Variants in RECQL4 observed in about 807,000 individuals in gnomAD.
The protein encoded by RECQL4 is RecQ like helicase 4, also known as ATP-dependent DNA helicase Q4.
RECQL4 carries 158 observed loss-of-function variants against 128.6 expected under a neutral mutation model. That is an observed-to-expected ratio of 1.23 (90% CI 1.08 to 1.40). The LOEUF is 1.40. RECQL4 is among the 40% of genes most tolerant of loss of function. The pLI is 0.00. For synonymous variants in RECQL4, 996 were observed against 678.9 expected, an observed-to-expected ratio of 1.47 and a Z score of -7.26; for missense variants, 2,293 against 1,649.8, an observed-to-expected ratio of 1.39 and a Z score of -6.75.
Position 144,515,336 on chromosome 8 carries a change from C to T in RECQL4, c.1380G>A (p.Gly460=), listed in dbSNP as rs2130707604. 2 of 1,612,588 alleles carry T rather than the reference C, an allele frequency of 1.2e-6. No individual in the cohort carries two copies. Among genetic ancestry groups the T allele is most frequent in the Non-Finnish European group, 1.7e-6 (2 of 1,179,770 alleles). The change falls in exon 7 of 21, where the codon GGG becomes GGA. Residue 460 remains glycine (G), a synonymous_variant. Transcript: ENST00000617875. ...AAGCTGACTGCTCACCTGCCAACTG[C>T]CCTGAGGGCCCCAGGGAGTAGAGTG... ...VLPLYSLGPS[G]QLAETPAEVF...
chr8:144,517,407 TG>T lies in RECQL4; in HGVS notation c.213+6del, dbSNP rs535285068. The T allele has an allele frequency of 1.5e-4, 237 of 1,564,636 alleles. 4 individuals carry two copies. In the South Asian group the frequency reaches 2.1e-3, roughly 14 times the overall value. On this transcript the variant is annotated splice_donor_region_variant and intron_variant, in intron 3 of 20. Transcript: ENST00000617875. ...GGGAGGAGGCTGGGGCGGCGGGGCCTGGGTACCTCTTCGGCCGCCGCGGGGA... is the reference window on the plus strand; with the variant it reads ...GGGAGGAGGCTGGGGCGGCGGGGCCTGGTACCTCTTCGGCCGCCGCGGGGA...
chr8:144,516,979 T>A (rs924471465), intron 4 of RECQL4, 71 bp downstream of exon 4: 1 of 1,543,434 alleles, frequency 6.5e-7, no homozygotes, highest in African/African-American at 1.4e-5. Context: ...GTGGAAAAAA[T>A]GACAAGAGGG....
At chr8:144,517,320 T>G in intron 3 of RECQL4, 94 bp downstream of exon 3, 1 of 1,483,244 alleles carries the variant, frequency 6.7e-7, no homozygotes, top group South Asian at 1.3e-5. Flanking sequence ...TCCCAAGTTC[T>G]GTGCCCCACG....
rs35225938 is a variant in RECQL4 at position 144,511,458 on chromosome 8, C to G, written c.3600G>C (p.Thr1200=). The stretch of plus-strand genomic sequence containing the variant: ...AGCGGGCCACCTGCAGGAGCTCTTC[C>G]GTGGCCAGGCCCACCAGGGCATGGA... ...LSFHALVGLA[T]EELLQVAR is the part of the protein sequence containing the mutation. Residue 1200 remains threonine (T), a synonymous_variant, in exon 21 of 21, where the codon ACG becomes ACC. Transcript: ENST00000617875. The G allele has an allele frequency of 6.2e-7, 1 of 1,612,552 alleles. No homozygotes were observed. Among genetic ancestry groups the G allele is most frequent in the African/African-American group, 1.3e-5 (1 of 75,060 alleles).
intron 20 of RECQL4, 62 bp downstream of exon 20, chr8:144,511,619 A>G: frequency 6.2e-7 from 1 of 1,608,682 alleles, no homozygotes; most frequent in East Asian, 2.2e-5. Context: ...GGAGCCTCCC[A>G]GGCCTCACCT....
chr8:144,513,504 TC>T, intron 13 of RECQL4, 24 bp from the exon 14 acceptor site: 1 of 1,610,498 alleles, frequency 6.2e-7, no homozygotes, highest in Non-Finnish European at 8.5e-7. Context: ...AGGCAGATGG[TC>T]AGTGGGATGG....
rs768351604 is a variant in RECQL4, at chr8:144,513,470, G to C, written c.2211C>G (p.Pro737=). ...CGTGGTAGGCCTCGGCTGTGGTTTT[G>C]GGGGCACGACCTTTGGGGAAGACAG... ...AWVPGSGGRA[P]KTTAEAYHAG... is the part of the protein sequence containing the mutation. The change falls in exon 14 of 21, where the codon CCC becomes CCG. Residue 737 remains proline (P), a synonymous_variant. Transcript: ENST00000617875. 3.7e-6 allele frequency: 6 copies of C among 1,609,776 alleles called. No individual in the cohort carries two copies. The highest frequency in any genetic ancestry group is 1.1e-5 in the South Asian group (1 of 91,068).
chr8:144,514,326 G>A lies in RECQL4; in HGVS notation c.1741C>T (p.Pro581Ser), dbSNP rs776147492. Residue 581 changes from proline (P) to serine (S), a missense_variant, in exon 11 of 21, where the codon CCT becomes TCT. By Grantham distance (74) the Pro-to-Ser change is moderately conservative (BLOSUM62 -1). Coordinates refer to ENST00000617875, the MANE Select transcript of RECQL4 (RefSeq NM_004260.4). ...CCTCCCGCCCCCACCAGTGCCTCAG[G>A]TGTCAGCATCAGCACGTGTACCTGG... The part of the protein sequence containing the change: ...AAQVHVLMLT[P>S]EALVGAGGLP... The A allele has an allele frequency of 1.9e-6, 3 of 1,608,594 alleles. No homozygotes were observed. Among genetic ancestry groups the A allele is most frequent in the South Asian group, 2.2e-5 (2 of 90,940 alleles).
chr8:144,517,780 T>C lies in RECQL4; in HGVS notation c.5A>G (p.Glu2Gly), dbSNP rs2130746663. 1 of 1,237,900 alleles carries C rather than the reference T, an allele frequency of 8.1e-7. No homozygotes were observed. The highest frequency in any genetic ancestry group is 2.9e-5 in the South Asian group (1 of 34,974). The allele number at this position is 1,237,900 out of a possible 1,614,324, so 76.7% of individuals were successfully genotyped here. A position where few individuals can be genotyped will look rare whatever the true frequency, so the allele number is the denominator to read the frequency against. The change falls in exon 1 of 21, where the codon GAG (glutamate) becomes GGG (glycine). Residue 2 changes from glutamate (E) to glycine (G), a missense_variant. Glu to Gly is a moderately conservative substitution (Grantham distance 98). Coordinates refer to ENST00000617875, the MANE Select transcript of RECQL4 (RefSeq NM_004260.4). MERLRDVRERLQ... is the reference protein window; with the variant it reads MGRLRDVRERLQ... ...CCGCTCCCGCACGTCCCGCAGCCGC[T>C]CCATGGCGCGCGCGCCCGCCCGGCC...
At chr8:144,511,874 G>C in intron 19 of RECQL4, 37 bp downstream of exon 19, 1 of 1,609,980 alleles carries the variant, frequency 6.2e-7, no homozygotes, top group Non-Finnish European at 8.5e-7. Flanking sequence ...CAGGGAACCT[G>C]CAACCCCGAT....
intron 6 of RECQL4, 130 bp from the exon 7 acceptor site, chr8:144,515,587 G>A (rs1482435668): frequency 2.0e-6 from 3 of 1,500,182 alleles, no homozygotes; most frequent in Non-Finnish European, 1.8e-6. Flanking sequence ...TTTTTCCAAA[G>A]CAGAAAAGAG....
intron 1 of RECQL4, 30 bp from the exon 2 acceptor site, chr8:144,517,665 G>A (rs1434375000): frequency 3.4e-6 from 5 of 1,468,434 alleles, no homozygotes; most frequent in Admixed American, 2.4e-5. Context: ...GCCGCGGGCC[G>A]CGCCCTCAGC....
rs1178488618 is a variant in RECQL4, at chr8:144,513,308, C to T, written c.2373G>A (p.Leu791=). ...GCACGTAGCTCTCGAAGCTTGGGGGCAGCCCCAGATGCAGCACAGCCCGCA... is the reference window on the plus strand; with the variant it reads ...GCACGTAGCTCTCGAAGCTTGGGGGTAGCCCCAGATGCAGCACAGCCCGCA... The part of the protein sequence containing the change: ...PDVRAVLHLG[L]PPSFESYVQA... Residue 791 remains leucine (L), a synonymous_variant, in exon 14 of 21, where the codon CTG becomes CTA. Transcript: ENST00000617875. 1.2e-6 allele frequency: 2 copies of T among 1,601,016 alleles called. No homozygotes were observed. Among genetic ancestry groups the T allele is most frequent in the Admixed American group, 1.7e-5 (1 of 59,918 alleles).
chr8:144,516,122 CCTT>C lies in RECQL4; in HGVS notation c.994_996del (p.Lys332del). 6.2e-7 allele frequency: 1 copy of C among 1,613,050 alleles called. No homozygotes were observed. The highest frequency in any genetic ancestry group is 8.5e-7 in the Non-Finnish European group (1 of 1,179,872). On this transcript the variant is annotated inframe_deletion, in exon 5 of 21. Coordinates refer to ENST00000617875, the MANE Select transcript of RECQL4 (RefSeq NM_004260.4). ...ATGTGCAGGGGGGCTGTGCCCTCAG[CCTT>C]CCCAGCCCTAGCTTGACTGGAGGGG...
rs1342995001 is a variant in RECQL4, at chr8:144,513,704, C to G, written c.2067G>C (p.Leu689Phe). 3 of 1,546,766 alleles carry G rather than the reference C, an allele frequency of 1.9e-6. No homozygotes were observed. The highest frequency in any genetic ancestry group is 4.9e-5 in the East Asian group (2 of 40,760). ...GAAAACGTTTGCCTTGCAGCAGCGT[C>G]AACAGTGCCTGATGAGGAGCGGTTG... ...SMDRDTDQALLTLLQGKRFQN... is the reference protein window; with the variant it reads ...SMDRDTDQALFTLLQGKRFQN... The change falls in exon 13 of 21, where the codon TTG becomes TTC. Residue 689 changes from leucine (L) to phenylalanine (F), a missense_variant. Coordinates refer to ENST00000617875, the MANE Select transcript of RECQL4 (RefSeq NM_004260.4).
chr8:144,516,366 GC>G lies in RECQL4; in HGVS notation c.752del (p.Ser251ThrfsTer42), dbSNP rs1064796290. The G allele has an allele frequency of 1.2e-6, 2 of 1,609,926 alleles. No homozygotes were observed. Among genetic ancestry groups the G allele is most frequent in the Non-Finnish European group, 1.7e-6 (2 of 1,179,742 alleles). On this transcript the variant is annotated frameshift_variant, in exon 5 of 21. Transcript: ENST00000617875. LOFTEE classifies it high-confidence loss of function. The stretch of plus-strand genomic sequence containing the variant: ...CGCCTCCACTGCTGCTGGGCTGGGG[GC>G]TCCCCACACGGATGCTGACTTCTTG... ...AFQEVSIRVG[S>X]PQPSSSGGEK...
chr8:144,517,778 G>T lies in RECQL4; in HGVS notation c.7C>A (p.Arg3=), dbSNP rs886042531. The change falls in exon 1 of 21, where the codon CGG becomes AGG. Residue 3 remains arginine, a synonymous_variant. Coordinates refer to ENST00000617875, the MANE Select transcript of RECQL4 (RefSeq NM_004260.4). The part of the protein sequence containing the change: ME[R]LRDVRERLQA... ...AGCCGCTCCCGCACGTCCCGCAGCCGCTCCATGGCGCGCGCGCCCGCCCGG... is the reference window on the plus strand; with the variant it reads ...AGCCGCTCCCGCACGTCCCGCAGCCTCTCCATGGCGCGCGCGCCCGCCCGG... The T allele has an allele frequency of 1.6e-6, 2 of 1,238,094 alleles. No homozygotes were observed. The highest frequency in any genetic ancestry group is 2.0e-6 in the Non-Finnish European group (2 of 986,572). 76.7% of individuals were successfully genotyped at this position (1,238,094 alleles called of 1,614,324 possible).
chr8:144,515,374 G>A lies in RECQL4; in HGVS notation c.1342C>T (p.Pro448Ser), dbSNP rs1586817338. Residue 448 changes from proline to serine, a missense_variant, in exon 7 of 21, where the codon CCC becomes TCC. Pro to Ser is a moderately conservative substitution (Grantham distance 74). Coordinates refer to ENST00000617875, the MANE Select transcript of RECQL4 (RefSeq NM_004260.4). ...QPVPEVPSLD[P>S]TVLPLYSLGP... The stretch of plus-strand genomic sequence containing the variant: ...AGGGAGTAGAGTGGCAGCACGGTGG[G>A]GTCCAGGCTGGGCACCTCAGGTACA... 2 of 1,612,760 alleles carry A rather than the reference G, an allele frequency of 1.2e-6. No homozygotes were observed. The highest frequency in any genetic ancestry group is 8.5e-7 in the Non-Finnish European group (1 of 1,179,842).
rs867982056 is a variant in RECQL4 at position 144,513,039 on chromosome 8, A to C, written c.2563T>G (p.Cys855Gly). The change falls in exon 15 of 21, where the codon TGC becomes GGC. Residue 855 changes from cysteine (C) to glycine (G), a missense_variant. By Grantham distance (159) the Cys-to-Gly change is radical. Coordinates refer to ENST00000617875, the MANE Select transcript of RECQL4 (RefSeq NM_004260.4). Reference sequence around the variant, plus strand: ...TCCGAGGGCGGCCTGGTGCAGGTGCAGGTGCAGGCTGGGAACACGCGCTGT... The same window carrying C: ...TCCGAGGGCGGCCTGGTGCAGGTGCCGGTGCAGGCTGGGAACACGCGCTGT... Reference protein sequence around the residue: ...LVQRVFPACTCTCTRPPSEQE... With the variant: ...LVQRVFPACTGTCTRPPSEQE... The C allele has an allele frequency of 2.5e-6, 4 of 1,576,658 alleles. No individual in the cohort carries two copies. The highest frequency in any genetic ancestry group is 3.7e-5 in the Admixed American group (2 of 54,162).
Sources: gnomAD v4.1 joint callset for allele counts on GRCh38, gnomAD v4.1.1 for gene constraint, MANE v1.5 for transcripts, NCBI Gene and HGNC (gene_info 2026-07-23, HGNC 2026-07-21) for gene names.